Variants in OPHN1 observed in about 807,000 individuals in gnomAD.
OPHN1 encodes oligophrenin-1.
Under a neutral mutation model 60.7 loss-of-function variants are expected in OPHN1, and 11 were observed. The observed-to-expected ratio is 0.18, with a 90% CI of 0.11 to 0.30. The LOEUF is 0.30. Ranked by LOEUF, OPHN1 falls within the 10% of genes least tolerant of loss-of-function variation. The probability of loss-of-function intolerance (pLI) is 1.00; values close to 1 mark genes in which losing one functional copy is unlikely to be tolerated. For missense variants in OPHN1, 449 were observed against 611.0 expected (o/e 0.73, Z 2.80); for synonymous variants, 226 against 222.6 (o/e 1.02, Z -0.14).
intron 2 of OPHN1, among the ~76,000 whole-genome samples, chrX:68,348,552 T>A (rs1460427632): frequency 1.8e-5 from 2 of 110,953 alleles, no homozygotes; most frequent in African/African-American, 3.3e-5. Context: ...AAAAAAGTGG[T>A]TGTTACTGCG....
intron 3 of OPHN1, among the ~76,000 whole-genome samples, chrX:68,285,934 T>C (rs1042690967): frequency 1.8e-5 from 2 of 111,328 alleles, no homozygotes; most frequent in African/African-American, 6.5e-5. Flanking sequence ...CATTCATTTC[T>C]TAAGTTCTTT....
At chrX:68,236,924 CT>C (rs2077755360) in intron 5 of OPHN1, among the ~76,000 whole-genome samples, 7 of 112,291 alleles carry the variant, frequency 6.2e-5, no homozygotes, top group South Asian at 3.7e-4. Flanking sequence ...TTCTATTGAT[CT>C]ATATGTCTAT....
chrX:68,199,332 T>C (rs939679400), intron 11 of OPHN1, among the ~76,000 whole-genome samples: 4 of 110,039 alleles, frequency 3.6e-5, no homozygotes, highest in African/African-American at 1.3e-4. Flanking sequence ...CAAGGTCCCA[T>C]AGCTATAAAA....
intron 2 of OPHN1, among the ~76,000 whole-genome samples, chrX:68,333,689 A>G (rs755780984): frequency 1.9e-5 from 2 of 105,090 alleles, no homozygotes; most frequent in South Asian, 4.1e-4. Flanking sequence ...ACACACACAG[A>G]CACACACACA....
chrX:68,192,722 G>A (rs1387887821), intron 15 of OPHN1, 197 bp downstream of exon 15: 1 of 429,707 alleles, frequency 2.3e-6, no homozygotes, highest in African/African-American at 2.5e-5. Flanking sequence ...TGGGATACGA[G>A]GAAGGAGAGA....
At chrX:68,331,179 A>G (rs2078292782) in intron 2 of OPHN1, among the ~76,000 whole-genome samples, 1 of 106,454 alleles carries the variant, frequency 9.4e-6, no homozygotes, top group Admixed American at 1.1e-4. Context: ...ATATGATTAT[A>G]TACAATATAG....
chrX:68,287,290 G>A (rs766679699), intron 3 of OPHN1, among the ~76,000 whole-genome samples: 1 of 86,802 alleles, frequency 1.2e-5, no homozygotes, highest in East Asian at 3.7e-4. Context: ...AAGGGAAGGG[G>A]AAAAGAAGAA....
At chrX:68,423,178 A>T (rs1323986021) in intron 2 of OPHN1, among the ~76,000 whole-genome samples, 1 of 110,201 alleles carries the variant, frequency 9.1e-6, no homozygotes, top group African/African-American at 3.3e-5. Context: ...GGCGCCCACC[A>T]CCACGCCCAG....
chrX:68,269,654 A>T (rs2077955373), intron 5 of OPHN1, among the ~76,000 whole-genome samples: 1 of 111,899 alleles, frequency 8.9e-6, no homozygotes, highest in Admixed American at 9.5e-5. Context: ...AACTCAGGCA[A>T]TACCATTCAG....
chrX:68,306,091 A>G (rs998211733), intron 2 of OPHN1, among the ~76,000 whole-genome samples: 2 of 112,454 alleles, frequency 1.8e-5, no homozygotes, highest in Admixed American at 9.4e-5. Context: ...TTCAGTCCCC[A>G]GCTGGATAGT....
intron 2 of OPHN1, among the ~76,000 whole-genome samples, chrX:68,417,279 T>C (rs2078804079): frequency 9.0e-6 from 1 of 111,065 alleles, no homozygotes; most frequent in South Asian, 3.8e-4. Context: ...TTTTAGTAGA[T>C]ACGGAGTTTT....
chrX:68,194,582 C>T, intron 12 of OPHN1, 84 bp from the exon 13 acceptor site: 1 of 815,595 alleles, frequency 1.2e-6, no homozygotes, highest in Non-Finnish European at 1.8e-6. Flanking sequence ...AATATCTTTC[C>T]CCAGATAGGC....
intron 15 of OPHN1, among the ~76,000 whole-genome samples, chrX:68,178,863 T>C (rs2077425091): frequency 8.9e-6 from 1 of 112,480 alleles, no homozygotes. Flanking sequence ...GATACATACA[T>C]ATAAACATCA....
At chrX:68,049,414 TTCTC>T (rs1294229823) in intron 23 of OPHN1, among the ~76,000 whole-genome samples, 1 of 112,011 alleles carries the variant, frequency 8.9e-6, no homozygotes, top group Admixed American at 9.4e-5. Context: ...AGTTAGACTT[TTCTC>T]TTTCTCGGTT....
intron 5 of OPHN1, among the ~76,000 whole-genome samples, chrX:68,263,381 C>G (rs1001035520): frequency 3.6e-5 from 4 of 111,643 alleles, no homozygotes; most frequent in Non-Finnish European, 7.5e-5. Flanking sequence ...CTGTTCCTGC[C>G]TCATTCATTA....
chrX:68,213,732 A>G (rs998393139), intron 7 of OPHN1, 130 bp downstream of exon 7: 1 of 488,344 alleles, frequency 2.0e-6, no homozygotes, highest in Non-Finnish European at 3.6e-6. Context: ...CGTAAGTTAG[A>G]CTACGTTCTA....
chrX:68,102,489 T>A (rs2077063748), intron 18 of OPHN1, among the ~76,000 whole-genome samples: 1 of 107,993 alleles, frequency 9.3e-6, no homozygotes. Context: ...GCAAACAAAC[T>A]GAAAAGCTAG....
intron 10 of OPHN1, among the ~76,000 whole-genome samples, chrX:68,206,126 C>T (rs186022954): frequency 9.0e-6 from 1 of 110,622 alleles, no homozygotes; most frequent in African/African-American, 3.3e-5. Context: ...GAGAGATTAA[C>T]TGCTTAAAGA....
intron 15 of OPHN1, among the ~76,000 whole-genome samples, chrX:68,168,542 G>A (rs867969204): frequency 9.0e-6 from 1 of 110,628 alleles, no homozygotes; most frequent in South Asian, 3.9e-4. Context: ...ATGCCCACAA[G>A]AGAAAGCAGG....
Sources: allele counts gnomAD v4.1 joint callset (sites outside exome capture counted in the v4.1 genomes callset), GRCh38; gene constraint gnomAD v4.1.1; transcripts MANE v1.5; gene names NCBI Gene and HGNC (gene_info 2026-07-23, HGNC 2026-07-21).